The following AHNAK2 variants were observed in gnomAD, a reference collection of about 807,000 sequenced individuals.
AHNAK2 encodes the protein protein AHNAK2.
AHNAK2 carries 18 observed loss-of-function variants against 30.7 expected under a neutral mutation model. That is an observed-to-expected ratio of 0.59 (90% confidence interval 0.41 to 0.87). The LOEUF (loss-of-function observed/expected upper bound fraction) is 0.87, where lower values mean the gene tolerates loss of function less well. Ranked by LOEUF, AHNAK2 falls within the 40% of genes least tolerant of loss-of-function variation. The pLI is 0.00. For missense variants in AHNAK2, 8,604 were observed against 7,373.0 expected (o/e 1.17, Z -6.11); for synonymous variants, 3,590 against 3,073.8 (o/e 1.17, Z -5.56).
At position 104,945,091 on chromosome 14, in the gene AHNAK2, G is replaced by A. The variant is rs773766518; in HGVS notation, c.10360C>T (p.Arg3454Trp). 6.1e-5 allele frequency: 98 copies of A among 1,612,868 alleles called. No individual in the cohort carries two copies. Among genetic ancestry groups the A allele is most frequent in the Middle Eastern group, 1.7e-4 (1 of 6,054 alleles). ...GCCAGGGACAGGTCCCCCTCCAGCC[G>A]CGCACCATCCAGCTTGGCTCTCGGG... is the stretch of plus-strand genomic sequence containing the variant. ...QAPRAKLDGARLEGDLSLAEK... is the reference protein window; with the variant it reads ...QAPRAKLDGAWLEGDLSLAEK... Residue 3454 changes from arginine to tryptophan, a missense_variant, in exon 7 of 7, where the codon CGG becomes TGG. Arg to Trp is a moderately radical substitution (Grantham distance 101). Transcript: ENST00000333244.
Position 104,947,110 on chromosome 14 carries a change from C to T in AHNAK2, c.8341G>A (p.Val2781Met), listed in dbSNP as rs200865804. 564 of 1,612,476 alleles carry T rather than the reference C, an allele frequency of 3.5e-4. 1 individual carries two copies. The highest frequency in any genetic ancestry group is 4.6e-4 in the Non-Finnish European group (540 of 1,179,604). ...TTTGCTCTCGGGGCCTGGACGTCCA[C>T]CTCCATGCTGGACAGAGACATCTTC... Reference protein sequence around the residue: ...DVKMSLSSMEVDVQAPRAKLD... With the variant: ...DVKMSLSSMEMDVQAPRAKLD... The change falls in exon 7 of 7, where the codon GTG (valine) becomes ATG (methionine). Residue 2781 changes from valine to methionine, a missense_variant. Transcript: ENST00000333244.
Position 104,948,292 on chromosome 14 carries a change from G to A in AHNAK2, c.7159C>T (p.Pro2387Ser), listed in dbSNP as rs72702027. The A allele has an allele frequency of 0.54, 871,010 of 1,610,840 alleles. 238,160 individuals are homozygous for A. The highest frequency in any genetic ancestry group is 0.67 in the Middle Eastern group (4,032 of 6,048). ...GCTCCCTCCGGCACGGGGCCCTCTG[G>A]GAGTTTCACATCCACTTGGCCAGCC... ...VQAGQVDVKL[P>S]EGPVPEGAGL... The change falls in exon 7 of 7, where the codon CCA becomes TCA. Residue 2387 changes from proline (P) to serine (S), a missense_variant. Transcript: ENST00000333244.
At chr14:104,964,914 C>T (rs949772791) in intron 1 of AHNAK2, among the ~76,000 whole-genome samples, 1 of 152,196 alleles carries the variant, frequency 6.6e-6, no homozygotes, top group African/African-American at 2.4e-5. Flanking sequence ...CTGAAAATTT[C>T]GATTGATTGG....
At position 104,944,672 on chromosome 14, in the gene AHNAK2, T is replaced by C. The variant is rs762704652; in HGVS notation, c.10779A>G (p.Arg3593=). Residue 3593 remains arginine (R), a synonymous_variant, in exon 7 of 7, where the codon AGA becomes AGG. Coordinates refer to ENST00000333244, the MANE Select transcript of AHNAK2 (RefSeq NM_138420.4). ...GCAGAGACACCTCGACATCGGGGAC[T>C]CTCACTTCTGCCTTGGGGCCTTTCA... ...LDLKGPKAEV[R]VPDVEVSLPS... 6.2e-7 allele frequency: 1 copy of C among 1,612,800 alleles called. No homozygotes were observed. Among genetic ancestry groups the C allele is most frequent in the Non-Finnish European group, 8.5e-7 (1 of 1,179,556 alleles).
In AHNAK2 at chr14:104,954,435, G is replaced by A. The variant is rs376966044; in HGVS notation, c.1016C>T (p.Thr339Ile). Residue 339 changes from threonine to isoleucine, a missense_variant, in exon 7 of 7, where the codon ACA becomes ATA. Physicochemically the swap from Thr to Ile is moderately conservative, Grantham distance 89 (BLOSUM62 -1). Transcript: ENST00000333244. The surrounding 1 kb of genome is among the most constrained non-coding windows in gnomAD (Gnocchi z 4.3). The part of the protein sequence containing the change: ...RTGSGQGPSS[T>I]GQPGRGFQSG... ...CTGGAACCCCCTGCCTGGCTGTCCT[G>A]TCGATGAAGGGCCCTGTCCCGAGCC... 1.9e-6 allele frequency: 3 copies of A among 1,612,630 alleles called. No individual in the cohort carries two copies. The highest frequency in any genetic ancestry group is 2.5e-6 in the Non-Finnish European group (3 of 1,179,564).
Position 104,941,913 on chromosome 14 carries a change from A to C in AHNAK2, c.13538T>G (p.Ile4513Ser). Reference protein sequence around the residue: ...QGDLKTTDLRIQAPSADLEVQ... With the variant: ...QGDLKTTDLRSQAPSADLEVQ... The stretch of plus-strand genomic sequence containing the variant: ...CTCCAGGTCGGCGGAAGGGGCCTGA[A>C]TGCGGAGGTCAGTGGTCTTGAGGTC... Residue 4513 changes from isoleucine (I) to serine (S), a missense_variant, in exon 7 of 7, where the codon ATT (isoleucine) becomes AGT (serine). By Grantham distance (142) the Ile-to-Ser change is moderately radical. Coordinates refer to ENST00000333244, the MANE Select transcript of AHNAK2 (RefSeq NM_138420.4). The C allele has an allele frequency of 2.5e-6, 4 of 1,613,490 alleles. No homozygotes were observed. Among genetic ancestry groups the C allele is most frequent in the Non-Finnish European group, 3.4e-6 (4 of 1,179,650 alleles).
intron 1 of AHNAK2, among the ~76,000 whole-genome samples, 186 bp downstream of exon 1, chr14:104,977,997 G>A (rs1899638609): frequency 6.6e-6 from 1 of 152,108 alleles, no homozygotes; most frequent in South Asian, 2.1e-4. Flanking sequence ...CAGGTAGAAC[G>A]CGAGGCATGG....
At position 104,948,619 on chromosome 14, in the gene AHNAK2, C is replaced by A. The variant is rs1898451211; in HGVS notation, c.6832G>T (p.Glu2278Ter). 1 of 1,612,686 alleles carries A rather than the reference C, an allele frequency of 6.2e-7. No homozygotes were observed. Among genetic ancestry groups the A allele is most frequent in the Non-Finnish European group, 8.5e-7 (1 of 1,179,816 alleles). ...ACCTCCACGCTGGGCAGAGACACCT[C>A]CACATCAGGGGCTGTCACTTCCACC... is the stretch of plus-strand genomic sequence containing the variant. ...PKVEVTAPDV[E>*]VSLPSVEVDV... Residue 2278 changes from glutamate (E) to a stop codon, truncating the protein, a stop_gained, in exon 7 of 7, where the codon GAG becomes TAG. Transcript: ENST00000333244. LOFTEE classifies it low-confidence loss of function (END_TRUNC).
chr14:104,976,254 G>T (rs552623019), intron 1 of AHNAK2, among the ~76,000 whole-genome samples: 133 of 152,312 alleles, frequency 8.7e-4, no homozygotes, highest in Middle Eastern at 6.8e-3. Context: ...AGTCGGCAGC[G>T]CTGCGTGGGG....
chr14:104,974,858 G>A (rs952656546), intron 1 of AHNAK2, among the ~76,000 whole-genome samples: 3 of 152,210 alleles, frequency 2.0e-5, no homozygotes, highest in African/African-American at 7.2e-5. Context: ...CCCCCAGATG[G>A]CCAGTGCCCC....
intron 1 of AHNAK2, among the ~76,000 whole-genome samples, chr14:104,961,839 G>T (rs956851461): frequency 6.6e-6 from 1 of 151,964 alleles, no homozygotes; most frequent in African/African-American, 2.4e-5. Flanking sequence ...CATGCATGGT[G>T]GCGCACATCT....
chr14:104,954,103 C>T lies in AHNAK2; in HGVS notation c.1348G>A (p.Gly450Ser), dbSNP rs181990876. The change falls in exon 7 of 7, where the codon GGT becomes AGT. Residue 450 changes from glycine (G) to serine (S), a missense_variant. Gly to Ser is a moderately conservative substitution (Grantham distance 56). Coordinates refer to ENST00000333244, the MANE Select transcript of AHNAK2 (RefSeq NM_138420.4). This position sits in a 1 kb window ranked among gnomAD's most constrained non-coding sequence, Gnocchi z 4.3. The stretch of plus-strand genomic sequence containing the variant: ...AGGCTCTGCAGTCCCTCGCCTTCAC[C>T]CTCCCGGCTCATTCCAGGAGTTGGC... ...AQPTPGMSRE[G>S]EGEGLQSLEI... 224 of 1,612,638 alleles carry T rather than the reference C, an allele frequency of 1.4e-4. No individual in the cohort carries two copies. In the East Asian group the frequency reaches 4.7e-3, roughly 34 times the overall value.
At position 104,961,865 on chromosome 14, in the gene AHNAK2, C is replaced by T. The variant is rs560856719; in HGVS notation, c.56-4193G>A. On this transcript the variant is annotated intron_variant, in intron 1 of 6. Transcript: ENST00000333244. ...GCGCACATCTGTATTCCCAGCTACT[C>T]GGGAGGCTGAGGTGGGAGGATCACT... Among the ~76,000 whole-genome samples, 10 of 152,074 alleles carry T rather than the reference C, an allele frequency of 6.6e-5. No homozygotes were observed. The East Asian group carries it at 9.7e-4, about 15-fold the overall frequency.
In AHNAK2 at chr14:104,945,281, G is replaced by A. The variant is rs369822668; in HGVS notation, c.10170C>T (p.His3390=). The change falls in exon 7 of 7, where the codon CAC becomes CAT. Residue 3390 remains histidine, a synonymous_variant. Coordinates refer to ENST00000333244, the MANE Select transcript of AHNAK2 (RefSeq NM_138420.4). The part of the protein sequence containing the change: ...HVPEGAGLKG[H]LPKVEMPSFK... ...AACTGGGCATCTCCACCTTGGGCAG[G>A]TGCCCTTTGAGGCCAGCTCCCTCGG... The A allele has an allele frequency of 2.5e-6, 4 of 1,613,050 alleles. No homozygotes were observed. Among genetic ancestry groups the A allele is most frequent in the Non-Finnish European group, 3.4e-6 (4 of 1,179,576 alleles).
In AHNAK2 at chr14:104,939,845, G is replaced by A. The variant is rs1263605630; in HGVS notation, c.15606C>T (p.Arg5202=). The change falls in exon 7 of 7, where the codon CGC becomes CGT. Residue 5202 remains arginine, a synonymous_variant. Coordinates refer to ENST00000333244, the MANE Select transcript of AHNAK2 (RefSeq NM_138420.4). ...MPKFRMPSLR[R]SFRDRGGAGK... Reference sequence around the variant, plus strand: ...CAGCCCCGCCTCTGTCCCTGAAAGAGCGCCTAAGGCTGGGCATGCGGAACT... The same window carrying A: ...CAGCCCCGCCTCTGTCCCTGAAAGAACGCCTAAGGCTGGGCATGCGGAACT... 1.9e-6 allele frequency: 3 copies of A among 1,613,872 alleles called. No individual in the cohort carries two copies. Among genetic ancestry groups the A allele is most frequent in the Admixed American group, 3.3e-5 (2 of 60,034 alleles).
rs1328746598 is a variant in AHNAK2, at chr14:104,937,766, A to G, written c.*297T>C. The G allele has an allele frequency of 2.8e-6, 1 of 360,270 alleles. No individual in the cohort carries two copies. The highest frequency in any genetic ancestry group is 2.1e-5 in the African/African-American group (1 of 48,230). The allele number at this position is 360,270 out of a possible 1,614,324, so 22.3% of individuals were successfully genotyped here. On this transcript the variant is annotated 3_prime_UTR_variant, in exon 7 of 7. Coordinates refer to ENST00000333244, the MANE Select transcript of AHNAK2 (RefSeq NM_138420.4). The stretch of plus-strand genomic sequence containing the variant: ...CAGGTCTCTGGAAATTTATCTAATA[A>G]AGACCAACAAACTTCCCCAGCAGTG...
Position 104,946,409 on chromosome 14 carries a change from G to T in AHNAK2, c.9042C>A (p.Leu3014=). The change falls in exon 7 of 7, where the codon CTC becomes CTA. Residue 3014 remains leucine, a synonymous_variant. Transcript: ENST00000333244. ...SAPKVEAEVS[L]PSMQGDLKTT... is the part of the protein sequence containing the mutation. The stretch of plus-strand genomic sequence containing the variant: ...TCTTCAGGTCCCCCTGCATGGAGGG[G>T]AGGCTCACTTCGGCCTCCACCTTCG... 1 of 1,612,758 alleles carries T rather than the reference G, an allele frequency of 6.2e-7. No homozygotes were observed. The highest frequency in any genetic ancestry group is 8.5e-7 in the Non-Finnish European group (1 of 1,179,604).
In AHNAK2 at chr14:104,943,866, A is replaced by G. The variant is rs1397527634; in HGVS notation, c.11585T>C (p.Val3862Ala). 2 of 1,612,286 alleles carry G rather than the reference A, an allele frequency of 1.2e-6. No individual in the cohort carries two copies. Among genetic ancestry groups the G allele is most frequent in the Non-Finnish European group, 1.7e-6 (2 of 1,179,384 alleles). The change falls in exon 7 of 7, where the codon GTC (valine) becomes GCC (alanine). Residue 3862 changes from valine to alanine, a missense_variant. Coordinates refer to ENST00000333244, the MANE Select transcript of AHNAK2 (RefSeq NM_138420.4). ...TTTCATGTCCACCTGGCGAGCTTGG[A>G]CCGTCAGGTCGGCAGAATGGGGCTG... ...SIQPHSADLT[V>A]QARQVDMKLL...
chr14:104,958,915 C>A (rs1477067752), intron 1 of AHNAK2, among the ~76,000 whole-genome samples: 11 of 152,192 alleles, frequency 7.2e-5, no homozygotes, highest in Admixed American at 6.5e-4. Flanking sequence ...CACAAAAATA[C>A]AACTAACACC....
Sources: allele counts gnomAD v4.1 joint callset (sites outside exome capture counted in the v4.1 genomes callset), GRCh38; gene constraint gnomAD v4.1.1; non-coding constraint Gnocchi (gnomAD v3.1); transcripts MANE v1.5; gene names NCBI Gene and HGNC (gene_info 2026-07-23, HGNC 2026-07-21).